Variants in ERGIC1 observed in about 807,000 individuals in gnomAD.
The protein encoded by ERGIC1 is endoplasmic reticulum-golgi intermediate compartment 1, also known as endoplasmic reticulum-Golgi intermediate compartment protein 1.
Under a neutral mutation model 38.3 loss-of-function variants are expected in ERGIC1, and 19 were observed. That is an observed-to-expected ratio of 0.50 (90% confidence interval 0.35 to 0.73). ERGIC1 has a LOEUF of 0.73. Among genes scored for constraint, ERGIC1 ranks in the 30% least tolerant of loss-of-function variants. The pLI is 0.01. For synonymous variants in ERGIC1, 124 were observed against 157.6 expected, an observed-to-expected ratio of 0.79 and a Z score of 1.60; for missense variants, 294 against 389.2, an observed-to-expected ratio of 0.76 and a Z score of 2.06.
intron 1 of ERGIC1, among the ~76,000 whole-genome samples, chr5:172,858,641 C>T (rs1438100800): frequency 3.3e-5 from 5 of 152,210 alleles, no homozygotes; most frequent in Admixed American, 6.5e-5. Flanking sequence ...TAATCCAGGC[C>T]GCTTCTGAGG....
chr5:172,945,762 G>A lies in ERGIC1; in HGVS notation c.766-4947G>A, dbSNP rs142809087. ...TGCAGTGGCTGAATCTCGACTCACT[G>A]CAACCTCCACTTCCCAGGTTCAAGC... On this transcript the variant is annotated intron_variant, in intron 9 of 9. Transcript: ENST00000393784. 6.3e-3 allele frequency among the ~76,000 whole-genome samples: 965 copies of A among 152,292 alleles called. 2 individuals carry two copies. Among genetic ancestry groups the A allele is most frequent in the South Asian group, 9.9e-3 (48 of 4,828 alleles).
intron 1 of ERGIC1, among the ~76,000 whole-genome samples, chr5:172,885,751 C>A (rs985578650): frequency 6.6e-6 from 1 of 152,176 alleles, no homozygotes; most frequent in Middle Eastern, 3.4e-3. Flanking sequence ...ACATGCCCTC[C>A]CCACTGGCCC....
chr5:172,900,187 G>A (rs917048589), intron 3 of ERGIC1, among the ~76,000 whole-genome samples: 2 of 152,130 alleles, frequency 1.3e-5, no homozygotes, highest in Admixed American at 1.3e-4. Flanking sequence ...GAGCAGGTGG[G>A]GCCCCACCCG....
chr5:172,861,773 T>C (rs919819465), intron 1 of ERGIC1, among the ~76,000 whole-genome samples: 2 of 152,126 alleles, frequency 1.3e-5, no homozygotes, highest in African/African-American at 4.8e-5. Context: ...GATAGCCTGG[T>C]GCTCCCCAGC....
intron 1 of ERGIC1, among the ~76,000 whole-genome samples, chr5:172,870,377 T>G (rs767427787): frequency 2.0e-5 from 3 of 152,164 alleles, no homozygotes; most frequent in Non-Finnish European, 4.4e-5. Flanking sequence ...CCCAGCCCAC[T>G]TCTCTAATTT....
At chr5:172,902,565 C>A (rs1214958100) in intron 3 of ERGIC1, among the ~76,000 whole-genome samples, 2 of 152,232 alleles carry the variant, frequency 1.3e-5, no homozygotes, top group Non-Finnish European at 2.9e-5. Context: ...GGGGATGACC[C>A]AAGTCAGAGG....
intron 5 of ERGIC1, chr5:172,917,313 G>A (rs1763391073): frequency 6.6e-6 from 1 of 152,352 alleles, no homozygotes; most frequent in Non-Finnish European, 1.5e-5. Context: ...TTGGAAGTTG[G>A]AGGTGTGGAG....
intron 1 of ERGIC1, among the ~76,000 whole-genome samples, chr5:172,865,412 G>C (rs1761831701): frequency 6.6e-6 from 1 of 152,196 alleles, no homozygotes; most frequent in African/African-American, 2.4e-5. Context: ...AGTGCAAAGG[G>C]TTCCCAAATG....
At chr5:172,866,785 C>T (rs775822452) in intron 1 of ERGIC1, among the ~76,000 whole-genome samples, 1 of 152,336 alleles carries the variant, frequency 6.6e-6, no homozygotes, top group Non-Finnish European at 1.5e-5. Context: ...GAGGCACGGG[C>T]GGCCCAGGGG....
At position 172,869,670 on chromosome 5, in the gene ERGIC1, T is replaced by C. The variant is rs139112826; in HGVS notation, c.21-19029T>C. 4.1e-4 allele frequency among the ~76,000 whole-genome samples: 63 copies of C among 152,310 alleles called. No individual in the cohort carries two copies. The East Asian group carries it at 0.011, about 28-fold the overall frequency. ...ATCAAATTTTCTTATCCACTTGCAT[T>C]ATTGGTTTAGAGATGGCTTCTCTCC... On this transcript the variant is annotated intron_variant, in intron 1 of 9. Coordinates refer to ENST00000393784, the MANE Select transcript of ERGIC1 (RefSeq NM_001031711.3).
chr5:172,857,963 GGCAGGGATATA>G (rs1468282273), intron 1 of ERGIC1, among the ~76,000 whole-genome samples: 1 of 152,148 alleles, frequency 6.6e-6, no homozygotes, highest in Non-Finnish European at 1.5e-5. Context: ...GGTGGTGAAC[GGCAGGGATATA>G]GCCCCTGCCC....
At chr5:172,866,962 A>C (rs4868226) in intron 1 of ERGIC1, 168,090 of 340,468 alleles carry the variant, frequency 0.49, 44,558 homozygotes, top group East Asian at 0.7. Context: ...AATGCATGAA[A>C]AAATGCATGA....
chr5:172,862,285 G>T (rs556189612), intron 1 of ERGIC1, among the ~76,000 whole-genome samples: 2 of 108,156 alleles, frequency 1.8e-5, no homozygotes, highest in South Asian at 6.6e-4. Flanking sequence ...CCTTGCCTGG[G>T]CAACTGAGTG....
chr5:172,850,169 CT>C (rs1447618909), intron 1 of ERGIC1, among the ~76,000 whole-genome samples: 1 of 152,190 alleles, frequency 6.6e-6, no homozygotes, highest in Non-Finnish European at 1.5e-5. Context: ...GCCTGCCTGA[CT>C]TTCCCCAATT....
At chr5:172,893,897 A>ATGTGTGTG (rs1323941581) in intron 2 of ERGIC1, among the ~76,000 whole-genome samples, 1 of 10,772 alleles carries the variant, frequency 9.3e-5, no homozygotes, top group Non-Finnish European at 3.1e-4. Flanking sequence ...ATATATATAT[A>ATGTGTGTG]TATATATATG....
intron 8 of ERGIC1, 75 bp from the exon 9 acceptor site, chr5:172,935,113 G>T (rs1214060966): frequency 6.2e-7 from 1 of 1,605,736 alleles, no homozygotes; most frequent in Non-Finnish European, 8.5e-7. Flanking sequence ...GGTTGCTGGG[G>T]GGCCCTCTGC....
At chr5:172,896,937 A>G in intron 2 of ERGIC1, 65 bp from the exon 3 acceptor site, 2 of 1,475,910 alleles carry the variant, frequency 1.4e-6, no homozygotes, top group Non-Finnish European at 1.9e-6. Context: ...TCTTCCCTCT[A>G]GGCTGGTCTC....
intron 1 of ERGIC1, among the ~76,000 whole-genome samples, chr5:172,883,723 T>C (rs1762341414): frequency 6.6e-6 from 1 of 152,222 alleles, no homozygotes; most frequent in Non-Finnish European, 1.5e-5. Flanking sequence ...GGCTCATGCC[T>C]GTAATCCCAA....
In ERGIC1 at chr5:172,837,078, C is replaced by T. The variant is rs1247625133; in HGVS notation, c.20+2645C>T. Among the ~76,000 whole-genome samples the T allele has an allele frequency of 8.6e-5, 13 of 152,038 alleles. No homozygotes were observed. Among genetic ancestry groups the T allele is most frequent in the African/African-American group, 3.1e-4 (13 of 41,388 alleles). On this transcript the variant is annotated intron_variant, in intron 1 of 9. Transcript: ENST00000393784. This position sits in a 1 kb window ranked among gnomAD's most constrained non-coding sequence, Gnocchi z 4.3. ...TTGTGGGGAGTGGAGAGGGGTATAC[C>T]GTGATTAGACCTCCTCCCCCAGTTC...
Sources: gnomAD v4.1 joint callset for allele counts (sites outside exome capture counted in the v4.1 genomes callset) on GRCh38, gnomAD v4.1.1 for gene constraint, Gnocchi (gnomAD v3.1) non-coding constraint, MANE v1.5 for transcripts, NCBI Gene and HGNC (gene_info 2026-07-23, HGNC 2026-07-21) for gene names.